Variants in LOXHD1 observed in about 807,000 individuals in gnomAD.
The protein encoded by LOXHD1 is lipoxygenase homology domain-containing protein 1.
In LOXHD1, 205 loss-of-function variants were observed where a neutral mutation model predicts 248.2. The ratio of observed to expected loss-of-function variants is 0.83; its 90% CI spans 0.74 to 0.93. The LOEUF is 0.93. LOXHD1 is among the 40% of genes least tolerant of loss of function. The pLI, the probability that LOXHD1 is intolerant of heterozygous loss-of-function variation, is 0.00. For missense variants in LOXHD1, 2,930 were observed against 2,971.6 expected, an observed-to-expected ratio of 0.99 and a Z score of 0.33; for synonymous variants, 1,113 against 1,162.8, an observed-to-expected ratio of 0.96 and a Z score of 0.87.
chr18:46,541,850 G>A lies in LOXHD1; in HGVS notation c.3839C>T (p.Ala1280Val). 1.3e-6 allele frequency: 2 copies of A among 1,551,660 alleles called. No homozygotes were observed. The highest frequency in any genetic ancestry group is 3.3e-4 in the Middle Eastern group (2 of 5,992). Residue 1280 changes from alanine (A) to valine (V), a missense_variant, in exon 25 of 41, where the codon GCC becomes GTC. Coordinates refer to ENST00000642948, the MANE Select transcript of LOXHD1 (RefSeq NM_001384474.1). ...GATGGACCCGTCGTCTTCGTTTTTG[G>A]CCAGCCAGCGGCCACAGGGAAACGT... ...CMTFPCGRWLAKNEDDGSIIR... is the reference protein window; with the variant it reads ...CMTFPCGRWLVKNEDDGSIIR...
chr18:46,494,975 T>C (rs1598842315), intron 37 of LOXHD1, among the ~76,000 whole-genome samples: 2 of 149,168 alleles, frequency 1.3e-5, no homozygotes, highest in East Asian at 2.0e-4. Context: ...TGCCTCAGAC[T>C]CCCGAGTAGC....
Position 46,485,005 on chromosome 18 carries a change from C to T in LOXHD1, c.6182+14G>A, listed in dbSNP as rs758968426. The T allele has an allele frequency of 1.3e-6, 2 of 1,537,286 alleles. No homozygotes were observed. Among genetic ancestry groups the T allele is most frequent in the African/African-American group, 2.8e-5 (2 of 72,636 alleles). ...CCCACCCCCCACCACTTCCCATGGG[C>T]CTCCCCTTCCTACTTCCTAAAGGCC... is the stretch of plus-strand genomic sequence containing the variant. On this transcript the variant is annotated intron_variant, in intron 39 of 40. Coordinates refer to ENST00000642948, the MANE Select transcript of LOXHD1 (RefSeq NM_001384474.1).
intron 21 of LOXHD1, among the ~76,000 whole-genome samples, chr18:46,549,422 G>C (rs2036990627): frequency 6.6e-6 from 1 of 152,180 alleles, no homozygotes; most frequent in African/African-American, 2.4e-5. Context: ...TTGTTTATAA[G>C]CTAAAGTCTG....
At chr18:46,624,904 A>G (rs2038719356) in intron 4 of LOXHD1, among the ~76,000 whole-genome samples, 1 of 152,158 alleles carries the variant, frequency 6.6e-6, no homozygotes, top group Non-Finnish European at 1.5e-5. Flanking sequence ...CTCTCCTTGC[A>G]GACACACTTC....
chr18:46,577,631 G>A, intron 14 of LOXHD1, 76 bp downstream of exon 14: 2 of 1,483,582 alleles, frequency 1.3e-6, no homozygotes, highest in Non-Finnish European at 1.8e-6. Context: ...GGTCATGGTA[G>A]TAGGGCTGGG....
At chr18:46,610,003 C>T (rs2038480661) in intron 6 of LOXHD1, among the ~76,000 whole-genome samples, 1 of 152,222 alleles carries the variant, frequency 6.6e-6, no homozygotes, top group Non-Finnish European at 1.5e-5. Context: ...GAAACTATAA[C>T]ACTTGAGATC....
At chr18:46,615,800 C>T (rs2038578068) in intron 5 of LOXHD1, among the ~76,000 whole-genome samples, 2 of 152,118 alleles carry the variant, frequency 1.3e-5, no homozygotes, top group African/African-American at 4.8e-5. Context: ...CAAAATCTCC[C>T]ACTATGATTC....
rs960860018 is a variant in LOXHD1 at position 46,566,588 on chromosome 18, C to T, written c.2245-139G>A. 1.4e-5 allele frequency: 11 copies of T among 777,660 alleles called. No individual in the cohort carries two copies. The East Asian group carries it at 1.9e-4, about 13-fold the overall frequency. The allele number at this position is 777,660 out of a possible 1,614,324, so 48.2% of individuals were successfully genotyped here. ...AGGAGAGGGAAGATCCATGGGAAAG[C>T]TGGAATCCCATTCCTGCCCCACCAT... On this transcript the variant is annotated intron_variant, in intron 16 of 40. Transcript: ENST00000642948.
Position 46,569,463 on chromosome 18 carries a change from G to C in LOXHD1, c.2223C>G (p.Leu741=), listed in dbSNP as rs199595156. Reference sequence around the variant, plus strand: ...TTACATTTCCAATGTTCAGGGTCTCGAGGGTGAACTCATCCACCCGGCCAC... The same window carrying C: ...TTACATTTCCAATGTTCAGGGTCTCCAGGGTGAACTCATCCACCCGGCCAC... ...FERGRVDEFT[L]ETLNIGNINR... is the part of the protein sequence containing the mutation. Residue 741 remains leucine (L), a synonymous_variant, in exon 16 of 41, where the codon CTC becomes CTG. Coordinates refer to ENST00000642948, the MANE Select transcript of LOXHD1 (RefSeq NM_001384474.1). 1 of 1,552,080 alleles carries C rather than the reference G, an allele frequency of 6.4e-7. No individual in the cohort carries two copies. Among genetic ancestry groups the C allele is most frequent in the Non-Finnish European group, 8.7e-7 (1 of 1,147,032 alleles).
intron 6 of LOXHD1, among the ~76,000 whole-genome samples, chr18:46,604,822 C>T (rs560446381): frequency 1.7e-4 from 26 of 152,158 alleles, no homozygotes; most frequent in Non-Finnish European, 3.2e-4. Flanking sequence ...CACCAAAGAG[C>T]TGAGGGGCCC....
chr18:46,657,163 G>A lies in LOXHD1; in HGVS notation c.-130C>T, dbSNP rs760707924. The A allele has an allele frequency of 1.1e-4, 161 of 1,446,752 alleles. 1 individual carries two copies. The highest frequency in any genetic ancestry group is 2.0e-4 in the Admixed American group (9 of 45,390). 89.6% of individuals were successfully genotyped at this position (1,446,752 alleles called of 1,614,324 possible). On this transcript the variant is annotated 5_prime_UTR_variant, in exon 1 of 41. Transcript: ENST00000642948. ...CTATAGCTCAGGCCTGGGTGGGCCA[G>A]AGTGCCCCGTTTTCTTGGCTTCCCC...
At chr18:46,548,419 C>T (rs1004759840) in intron 21 of LOXHD1, among the ~76,000 whole-genome samples, 3 of 152,116 alleles carry the variant, frequency 2.0e-5, no homozygotes, top group East Asian at 1.9e-4. Flanking sequence ...AACCAGAGAG[C>T]GAGATCTCAG....
intron 6 of LOXHD1, among the ~76,000 whole-genome samples, chr18:46,605,247 G>C (rs1368557070): frequency 6.6e-6 from 1 of 152,172 alleles, no homozygotes; most frequent in East Asian, 1.9e-4. Flanking sequence ...CAAGATTTTG[G>C]CTGGGCGTGG....
chr18:46,521,191 T>C lies in LOXHD1; in HGVS notation c.5177A>G (p.Asn1726Ser), dbSNP rs911872032. 4 of 1,551,482 alleles carry C rather than the reference T, an allele frequency of 2.6e-6. No homozygotes were observed. The African/African-American group carries it at 5.5e-5, about 21-fold the overall frequency. ...VPTQGTKYMLNCNCWLAKDRG... is the reference protein window; with the variant it reads ...VPTQGTKYMLSCNCWLAKDRG... ...GTCCTTGGCCAGCCAGCAGTTACAG[T>C]TCAACATGTACTTGGTGCCCTGGGT... Residue 1726 changes from asparagine (N) to serine (S), a missense_variant, in exon 33 of 41, where the codon AAC becomes AGC. Physicochemically the swap from Asn to Ser is conservative, Grantham distance 46. Transcript: ENST00000642948.
At chr18:46,656,058 T>C (rs531859352) in intron 1 of LOXHD1, among the ~76,000 whole-genome samples, 2 of 152,258 alleles carry the variant, frequency 1.3e-5, no homozygotes, top group East Asian at 3.9e-4. Context: ...CATGGATGAC[T>C]ATGGCGCTTA....
chr18:46,530,119 C>G (rs2035998314), intron 28 of LOXHD1, among the ~76,000 whole-genome samples: 1 of 152,108 alleles, frequency 6.6e-6, no homozygotes, highest in Admixed American at 6.5e-5. Context: ...ATTGGTTGGC[C>G]CCTCTGTGTA....
In LOXHD1 at chr18:46,524,586, G is replaced by A. The variant is rs773223976; in HGVS notation, c.4756C>T (p.Arg1586Cys). The A allele has an allele frequency of 7.0e-5, 109 of 1,551,676 alleles. No homozygotes were observed. The highest frequency in any genetic ancestry group is 2.5e-4 in the Admixed American group (13 of 51,000). Residue 1586 changes from arginine (R) to cysteine (C), a missense_variant, in exon 31 of 41, where the codon CGC becomes TGC. Transcript: ENST00000642948. ...GCAGGGCTGCTGCAGTTGCTGCTGC[G>A]GTCCCCAGTGTACTCCTGTGTGGGA... The part of the protein sequence containing the change: ...LFYEKEYTGD[R>C]SSNCSSPADF...
At chr18:46,624,182 C>G (rs2038706743) in intron 4 of LOXHD1, among the ~76,000 whole-genome samples, 1 of 152,164 alleles carries the variant, frequency 6.6e-6, no homozygotes. Context: ...CTGATTTTAC[C>G]CCACCCGCAA....
chr18:46,614,718 TAATAAATAAATA>T (rs67053766), intron 5 of LOXHD1, among the ~76,000 whole-genome samples: 1 of 149,748 alleles, frequency 6.7e-6, no homozygotes, highest in African/African-American at 2.4e-5. Flanking sequence ...TAAAGTATAA[TAATAAATAAATA>T]AATAAATAAA....
Sources: allele counts gnomAD v4.1 joint callset (sites outside exome capture counted in the v4.1 genomes callset), GRCh38; gene constraint gnomAD v4.1.1; transcripts MANE v1.5; gene names NCBI Gene and HGNC (gene_info 2026-07-23, HGNC 2026-07-21).